Variants in SAMD5 observed in about 807,000 individuals in gnomAD.
SAMD5 encodes sterile alpha motif domain containing 5, also known as sterile alpha motif domain-containing protein 5.
SAMD5 carries 13 observed loss-of-function variants against 11.3 expected under a neutral mutation model. That is an observed-to-expected ratio of 1.15 (90% CI 0.75 to 1.83). The LOEUF is 1.83. Among genes scored for constraint, SAMD5 ranks in the 40% most tolerant of loss-of-function variants. The pLI, the probability that SAMD5 is intolerant of heterozygous loss-of-function variation, is 0.00. For missense variants in SAMD5, 255 were observed against 239.1 expected, an observed-to-expected ratio of 1.07 and a Z score of -0.44; for synonymous variants, 129 against 111.3, an observed-to-expected ratio of 1.16 and a Z score of -1.00.
At chr6:147,847,810 A>C in the SAMD5 span, among the ~76,000 whole-genome samples, 2 of 152,082 alleles carry the variant, frequency 1.3e-5, no homozygotes, top group African/African-American at 4.8e-5. Context: ...CTGAGATTGC[A>C]CCACTGCACT....
At chr6:147,895,158 C>G in the SAMD5 span, among the ~76,000 whole-genome samples, 2 of 152,140 alleles carry the variant, frequency 1.3e-5, no homozygotes, top group Non-Finnish European at 2.9e-5. Context: ...AAGCACTGGC[C>G]CTGCCTTTTC....
the SAMD5 span, among the ~76,000 whole-genome samples, chr6:147,810,016 A>G: frequency 6.6e-6 from 1 of 152,230 alleles, no homozygotes; most frequent in African/African-American, 2.4e-5. Context: ...AATGACTGAA[A>G]AGATGAAACT....
At chr6:147,572,413 C>T (rs1372367524), downstream of SAMD5, among the ~76,000 whole-genome samples, 1 of 152,052 alleles carries the variant, frequency 6.6e-6, no homozygotes, top group East Asian at 1.9e-4. Context: ...ATTTTATAAA[C>T]TCAATTAGGT....
intron 1 of SAMD5, among the ~76,000 whole-genome samples, chr6:147,712,480 C>T (rs1048812460): frequency 6.6e-6 from 1 of 152,158 alleles, no homozygotes; most frequent in South Asian, 2.1e-4. Flanking sequence ...TTTTTCCGCT[C>T]CACTCATGTT....
the SAMD5 span, among the ~76,000 whole-genome samples, chr6:147,878,212 G>C: frequency 1.3e-5 from 2 of 151,920 alleles, no homozygotes; most frequent in East Asian, 3.9e-4. Flanking sequence ...TCAAGATGCT[G>C]GCAGGTTCAG....
intron 1 of SAMD5, among the ~76,000 whole-genome samples, chr6:147,542,902 A>T (rs1788628966): frequency 6.6e-6 from 1 of 152,202 alleles, no homozygotes. Context: ...AAGTTTCTCC[A>T]AAAGTTAGTT....
intron 1 of SAMD5, among the ~76,000 whole-genome samples, chr6:147,617,382 G>A (rs765857734): frequency 3.9e-5 from 6 of 152,108 alleles, no homozygotes; most frequent in Admixed American, 2.6e-4. Context: ...AAAAGTACCC[G>A]GAAAAAGCAA....
chr6:147,523,215 A>G (rs1788281441), intron 1 of SAMD5, among the ~76,000 whole-genome samples: 1 of 152,152 alleles, frequency 6.6e-6, no homozygotes, highest in South Asian at 2.1e-4. Context: ...CATTCATTCT[A>G]ATTTGAATCA....
the SAMD5 span, among the ~76,000 whole-genome samples, chr6:147,789,717 G>T: frequency 1.3e-5 from 2 of 152,078 alleles, no homozygotes; most frequent in Non-Finnish European, 2.9e-5. Context: ...TAGTCATCAG[G>T]TCTACTCAGG....
chr6:147,566,471 C>T lies in SAMD5; in HGVS notation c.*2015C>T. 4.1e-6 allele frequency: 4 copies of T among 985,582 alleles called. No individual in the cohort carries two copies. The highest frequency in any genetic ancestry group is 4.8e-6 in the Non-Finnish European group (4 of 829,782). 61.1% of individuals were successfully genotyped at this position (985,582 alleles called of 1,614,324 possible). A position where few individuals can be genotyped will look rare whatever the true frequency, so the allele number is the denominator to read the frequency against. The stretch of plus-strand genomic sequence containing the variant: ...TTTCACAGATGTACATTTGCATGTA[C>T]TTGTTGAACTTTGCTAGGAAGGACT... On this transcript the variant is annotated 3_prime_UTR_variant, in exon 2 of 2. Coordinates refer to ENST00000367474, the MANE Select transcript of SAMD5 (RefSeq NM_001030060.3).
intron 1 of SAMD5, among the ~76,000 whole-genome samples, chr6:147,658,519 C>T (rs947706281): frequency 1.7e-4 from 26 of 152,078 alleles, no homozygotes; most frequent in Non-Finnish European, 2.8e-4. Flanking sequence ...TGTAGCAAAC[C>T]TTAGTGAGAA....
At chr6:147,763,731 C>T in the SAMD5 span, among the ~76,000 whole-genome samples, 1 of 151,824 alleles carries the variant, frequency 6.6e-6, no homozygotes, top group Admixed American at 6.6e-5. Flanking sequence ...TACAGGCGCC[C>T]ACCACCACGC....
chr6:147,719,832 C>T (rs1791521877), intron 1 of SAMD5, among the ~76,000 whole-genome samples: 2 of 152,126 alleles, frequency 1.3e-5, no homozygotes, highest in Non-Finnish European at 1.5e-5. Flanking sequence ...GCATTCTAAT[C>T]CTTCATATAA....
intron 1 of SAMD5, among the ~76,000 whole-genome samples, chr6:147,627,454 G>GA (rs1305930019): frequency 1.3e-5 from 2 of 152,116 alleles, no homozygotes; most frequent in East Asian, 1.9e-4. Flanking sequence ...TAGGAACTGG[G>GA]AAAAAATAGT....
chr6:147,936,171 T>A, the SAMD5 span, among the ~76,000 whole-genome samples: 2 of 152,210 alleles, frequency 1.3e-5, no homozygotes, highest in Admixed American at 1.3e-4. Context: ...CAAAGGCCCT[T>A]AGGATGTTGT....
chr6:147,774,441 TA>T, the SAMD5 span, among the ~76,000 whole-genome samples: 1 of 152,184 alleles, frequency 6.6e-6, no homozygotes, highest in Non-Finnish European at 1.5e-5. Flanking sequence ...TCAGGTTCCT[TA>T]TATAAAATGG....
intron 1 of SAMD5, among the ~76,000 whole-genome samples, chr6:147,629,323 TA>T (rs978708578): frequency 1.5e-4 from 8 of 54,162 alleles, no homozygotes; most frequent in African/African-American, 3.2e-4. Context: ...AAAATAATAA[TA>T]AAAAAAATCT....
At chr6:147,699,648 A>G (rs73787378) in intron 1 of SAMD5, among the ~76,000 whole-genome samples, 3,069 of 152,290 alleles carry the variant, frequency 0.02, 55 homozygotes, top group South Asian at 0.052. Flanking sequence ...TTATTCACAG[A>G]GGAGATAGTC....
chr6:147,556,821 T>C (rs1788865299), intron 1 of SAMD5, among the ~76,000 whole-genome samples: 1 of 152,214 alleles, frequency 6.6e-6, no homozygotes, highest in African/African-American at 2.4e-5. Flanking sequence ...TTATCAGAAA[T>C]AAATTATATC....
Sources: gnomAD v4.1 joint callset for allele counts (sites outside exome capture counted in the v4.1 genomes callset) on GRCh38, gnomAD v4.1.1 for gene constraint, MANE v1.5 for transcripts, NCBI Gene and HGNC (gene_info 2026-07-23, HGNC 2026-07-21) for gene names.